PRKAR1A: variants seen among roughly 807,000 people sequenced by gnomAD.
PRKAR1A encodes the protein cAMP-dependent protein kinase type I-alpha regulatory subunit.
PRKAR1A carries 3 observed loss-of-function variants against 52.0 expected under a neutral mutation model. The observed-to-expected ratio is 0.06, with a 90% CI of 0.03 to 0.15. PRKAR1A has a LOEUF of 0.15. Ranked by LOEUF, PRKAR1A falls within the 10% of genes least tolerant of loss-of-function variation. The pLI is 1.00. For synonymous variants in PRKAR1A, 188 were observed against 168.4 expected, an observed-to-expected ratio of 1.12 and a Z score of -0.90; for missense variants, 240 against 477.4, an observed-to-expected ratio of 0.50 and a Z score of 4.63.
At chr17:68,455,694 A>T in the PRKAR1A span, among the ~76,000 whole-genome samples, 37,635 of 152,138 alleles carry the variant, frequency 0.25, 4,981 homozygotes, top group Non-Finnish European at 0.28. Flanking sequence ...AAGGAAATTA[A>T]CTTTCAAAGC....
chr17:68,521,006 A>G (rs781754453), intron 2 of PRKAR1A, among the ~76,000 whole-genome samples: 15 of 152,092 alleles, frequency 9.9e-5, no homozygotes, highest in Non-Finnish European at 1.9e-4. Context: ...CAGTGGTGCA[A>G]TCTCGGCTCA....
chr17:68,420,078 T>C, the PRKAR1A span: 23 of 1,250,076 alleles, frequency 1.8e-5, no homozygotes, highest in Non-Finnish European at 2.5e-5. Context: ...CATTGGAACA[T>C]TTGGTTATCT....
the PRKAR1A span, among the ~76,000 whole-genome samples, chr17:68,455,614 T>C: frequency 6.6e-6 from 1 of 152,174 alleles, no homozygotes; most frequent in Non-Finnish European, 1.5e-5. Context: ...ACAAGAACTT[T>C]TATTTATAGG....
chr17:68,543,786 G>T, intron 11 of PRKAR1A: 1 of 1,362,948 alleles, frequency 7.3e-7, no homozygotes, highest in Non-Finnish European at 1.0e-6. Context: ...GAAGAGAGCT[G>T]ATGAGCATGA....
chr17:68,508,755 G>T (rs2085227805), upstream of PRKAR1A, among the ~76,000 whole-genome samples: 1 of 152,324 alleles, frequency 6.6e-6, no homozygotes, highest in Non-Finnish European at 1.5e-5. Flanking sequence ...ACGCTTTAGT[G>T]TTAGATCCAA....
intron 11 of PRKAR1A, chr17:68,539,786 G>T: frequency 9.3e-7 from 1 of 1,070,554 alleles, no homozygotes; most frequent in Non-Finnish European, 1.4e-6. Flanking sequence ...TGGTGGTGGA[G>T]GCCCTCATTT....
rs7977 is a variant in PRKAR1A at position 68,532,226 on chromosome 17, C to T, written c.*1777C>T. On this transcript the variant is annotated 3_prime_UTR_variant, in exon 11 of 11. Transcript: ENST00000589228. ...TTTAAAAAATTAAAAATGAAAATTA[C>T]GTTCTTACAAGCTTAAAGCTTGATT... 0.22 allele frequency: 226,665 copies of T among 1,029,798 alleles called. 25,356 individuals are homozygous for T. The highest frequency in any genetic ancestry group is 0.26 in the South Asian group (5,457 of 21,218). 63.8% of individuals were successfully genotyped at this position (1,029,798 alleles called of 1,614,324 possible). A position where few individuals can be genotyped will look rare whatever the true frequency, so the allele number is the denominator to read the frequency against.
intron 11 of PRKAR1A, chr17:68,542,103 C>T (rs1251027524): frequency 7.4e-6 from 12 of 1,614,084 alleles, no homozygotes; most frequent in Non-Finnish European, 1.0e-5. Context: ...TGTGGGTTGC[C>T]ACAGACAGCA....
At chr17:68,527,271 C>T (rs917516659) in intron 7 of PRKAR1A, among the ~76,000 whole-genome samples, 6 of 151,980 alleles carry the variant, frequency 3.9e-5, no homozygotes, top group African/African-American at 1.5e-4. Context: ...AGGATATGGT[C>T]CTTTTTTTAT....
the PRKAR1A span, among the ~76,000 whole-genome samples, chr17:68,463,213 C>G: frequency 2.9e-4 from 44 of 152,192 alleles, no homozygotes; most frequent in East Asian, 8.3e-3. Context: ...GGGGACACCT[C>G]AGGAAAAACT....
chr17:68,433,565 T>C, the PRKAR1A span: 9 of 1,613,752 alleles, frequency 5.6e-6, no homozygotes, highest in Non-Finnish European at 5.9e-6. Context: ...AGAGAGCTGA[T>C]TGTCACATAC....
At chr17:68,528,078 G>A (rs183071691) in intron 8 of PRKAR1A, among the ~76,000 whole-genome samples, 178 bp downstream of exon 8, 13 of 152,272 alleles carry the variant, frequency 8.5e-5, no homozygotes, top group Non-Finnish European at 1.2e-4. Context: ...GTGACTTCCC[G>A]TCTCTCTTGT....
At chr17:68,543,025 C>A (rs1006488616) in intron 11 of PRKAR1A, among the ~76,000 whole-genome samples, 1 of 152,110 alleles carries the variant, frequency 6.6e-6, no homozygotes, top group African/African-American at 2.4e-5. Flanking sequence ...GAAAATGAAT[C>A]CTTATTCCGT....
the PRKAR1A span, among the ~76,000 whole-genome samples, chr17:68,472,801 C>T: frequency 6.6e-6 from 1 of 151,894 alleles, no homozygotes; most frequent in African/African-American, 2.4e-5. Context: ...CAAAAATTAG[C>T]TGGGCGTGGT....
the PRKAR1A span, among the ~76,000 whole-genome samples, chr17:68,470,288 G>A: frequency 6.6e-6 from 1 of 152,148 alleles, no homozygotes. Flanking sequence ...CACCACATTG[G>A]TCAGGCTGGT....
At chr17:68,447,519 C>A in the PRKAR1A span, among the ~76,000 whole-genome samples, 1 of 152,082 alleles carries the variant, frequency 6.6e-6, no homozygotes, top group Non-Finnish European at 1.5e-5. Context: ...GTAGCTAGGC[C>A]TACGGGCAAG....
intron 11 of PRKAR1A, chr17:68,541,971 G>T (rs532347766): frequency 6.2e-7 from 1 of 1,610,562 alleles, no homozygotes; most frequent in East Asian, 2.2e-5. Flanking sequence ...TGTGTGGCCT[G>T]GGGACCAACT....
At chr17:68,525,983 A>G in intron 7 of PRKAR1A, 71 bp downstream of exon 7, 2 of 1,531,948 alleles carry the variant, frequency 1.3e-6, no homozygotes, top group Non-Finnish European at 1.8e-6. Flanking sequence ...GAATATTACC[A>G]AATTAAAAAG....
chr17:68,524,531 TTTTTA>T (rs1422008635), intron 5 of PRKAR1A, among the ~76,000 whole-genome samples: 2 of 152,178 alleles, frequency 1.3e-5, no homozygotes, highest in African/African-American at 4.8e-5. Flanking sequence ...TATCTTCCTC[TTTTTA>T]TTTTCTTATT....
Sources: gnomAD v4.1 joint callset for allele counts (sites outside exome capture counted in the v4.1 genomes callset) on GRCh38, gnomAD v4.1.1 for gene constraint, MANE v1.5 for transcripts, NCBI Gene and HGNC (gene_info 2026-07-23, HGNC 2026-07-21) for gene names.